The following ANKRD28 variants were observed in gnomAD, a reference collection of about 807,000 sequenced individuals.
ANKRD28 encodes the protein serine/threonine-protein phosphatase 6 regulatory ankyrin repeat subunit A.
Under a neutral mutation model 126.5 loss-of-function variants are expected in ANKRD28, and 44 were observed. The ratio of observed to expected loss-of-function variants is 0.35; its 90% CI spans 0.27 to 0.45. The LOEUF (loss-of-function observed/expected upper bound fraction) is 0.45, where lower values mean the gene tolerates loss of function less well. Ranked by LOEUF, ANKRD28 falls within the 20% of genes least tolerant of loss-of-function variation. The pLI is 1.00. For missense variants in ANKRD28, 1,110 were observed against 1,316.6 expected (o/e 0.84, Z 2.43); for synonymous variants, 442 against 468.5 (o/e 0.94, Z 0.73).
intron 4 of ANKRD28, 111 bp from the exon 5 acceptor site, chr3:15,737,344 T>A: frequency 1.1e-6 from 1 of 925,642 alleles, no homozygotes; most frequent in Non-Finnish European, 1.6e-6. Flanking sequence ...ATGAAGAAAA[T>A]AAAAAAGCTC....
chr3:15,858,022 CTG>C (rs974037876), intron 1 of ANKRD28, among the ~76,000 whole-genome samples: 2 of 152,224 alleles, frequency 1.3e-5, no homozygotes, highest in Non-Finnish European at 2.9e-5. Flanking sequence ...CCTGCTATAA[CTG>C]TGCTTTACCT....
At position 15,679,565 on chromosome 3, in the gene ANKRD28, TA is replaced by T; in HGVS notation, c.2390-3del. On this transcript the variant is annotated splice_region_variant and splice_polypyrimidine_tract_variant and intron_variant, in intron 21 of 27. Coordinates refer to ENST00000683139, the MANE Select transcript of ANKRD28 (RefSeq NM_001349278.2). ...GCAGTTCTACACATGTCTCGTGACC[TA>T]AATAGGTGTAAAGAACCAGGTATTA... 6.2e-7 allele frequency: 1 copy of T among 1,604,524 alleles called. No individual in the cohort carries two copies. Among genetic ancestry groups the T allele is most frequent in the Non-Finnish European group, 8.5e-7 (1 of 1,174,128 alleles).
At chr3:15,773,593 G>C (rs994648976) in intron 2 of ANKRD28, among the ~76,000 whole-genome samples, 1 of 151,932 alleles carries the variant, frequency 6.6e-6, no homozygotes, top group African/African-American at 2.4e-5. Flanking sequence ...CTCCTGCCTG[G>C]GCAACAGAGT....
chr3:15,685,343 C>A lies in ANKRD28; in HGVS notation c.2272G>T (p.Ala758Ser), dbSNP rs762803080. ...CCAAGAACACCAATGTGTCCACAGG[C>A]AGCAGACAGGTGTATAGGCGTCCGG... is the stretch of plus-strand genomic sequence containing the variant. ...RGRTPIHLSA[A>S]CGHIGVLGAL... Residue 758 changes from alanine (A) to serine (S), a missense_variant, in exon 21 of 28, where the codon GCC (alanine) becomes TCC (serine). By Grantham distance (99) the Ala-to-Ser change is moderately conservative (BLOSUM62 1). Coordinates refer to ENST00000683139, the MANE Select transcript of ANKRD28 (RefSeq NM_001349278.2). The A allele has an allele frequency of 6.2e-7, 1 of 1,613,996 alleles. No individual in the cohort carries two copies. The highest frequency in any genetic ancestry group is 8.5e-7 in the Non-Finnish European group (1 of 1,179,874).
At chr3:15,856,163 G>C (rs534878434) in intron 1 of ANKRD28, among the ~76,000 whole-genome samples, 58 of 152,102 alleles carry the variant, frequency 3.8e-4, no homozygotes, top group Admixed American at 9.2e-4. Context: ...GAGAGGTTTT[G>C]TCTAGCAATC....
chr3:15,741,228 G>A (rs550245705), intron 4 of ANKRD28, among the ~76,000 whole-genome samples: 4 of 151,864 alleles, frequency 2.6e-5, no homozygotes, highest in Non-Finnish European at 5.9e-5. Flanking sequence ...CAAAAAACGT[G>A]TCAGATCACA....
chr3:15,674,113 A>C (rs1366159433), intron 27 of ANKRD28, among the ~76,000 whole-genome samples: 1 of 139,740 alleles, frequency 7.2e-6, no homozygotes, highest in African/African-American at 2.6e-5. Flanking sequence ...TCAAGGTTAC[A>C]ATCAGCTATG....
intron 3 of ANKRD28, among the ~76,000 whole-genome samples, chr3:15,763,611 C>G (rs1433612874): frequency 6.6e-6 from 1 of 152,048 alleles, no homozygotes; most frequent in Non-Finnish European, 1.5e-5. Flanking sequence ...GTTGATGATG[C>G]GACATCTGAG....
At chr3:15,729,284 T>A (rs944131073) in intron 6 of ANKRD28, among the ~76,000 whole-genome samples, 1 of 152,204 alleles carries the variant, frequency 6.6e-6, no homozygotes, top group African/African-American at 2.4e-5. Context: ...CACCTCTGTG[T>A]CTTTGTTCAT....
Position 15,796,427 on chromosome 3 carries a change from GA to G in ANKRD28, c.94del (p.Ser32LeufsTer26). ...TACCAATACATTTCCAGAAGGTGGA[GA>G]ATGTAGGGATTTATTTTCCTGTGGC... ...KLPQENKSLHSPPSGNVLPSL... is the reference protein window; with the variant it reads ...KLPQENKSLHXPPSGNVLPSL... On this transcript the variant is annotated frameshift_variant, in exon 1 of 28. Coordinates refer to ENST00000683139, the MANE Select transcript of ANKRD28 (RefSeq NM_001349278.2). LOFTEE classifies it high-confidence loss of function. 1 of 1,287,696 alleles carries G rather than the reference GA, an allele frequency of 7.8e-7. No homozygotes were observed. Among genetic ancestry groups the G allele is most frequent in the Non-Finnish European group, 1.0e-6 (1 of 987,400 alleles). The allele number at this position is 1,287,696 out of a possible 1,614,324, so 79.8% of individuals were successfully genotyped here.
At position 15,714,619 on chromosome 3, in the gene ANKRD28, A is replaced by T; in HGVS notation, c.1034T>A (p.Leu345His). The stretch of plus-strand genomic sequence containing the variant: ...TTGTGATCGGGAGAATCTACCGTGG[A>T]GAGCAGTCATGTGTAGTGGGGTTTT... ...DGKTPLHMTA[L>H]HGRFSRSQTI... Residue 345 changes from leucine to histidine, a missense_variant, in exon 9 of 28, where the codon CTC (leucine) becomes CAC (histidine). Leu to His is a moderately conservative substitution (Grantham distance 99). Transcript: ENST00000683139. 6.2e-7 allele frequency: 1 copy of T among 1,600,654 alleles called. No homozygotes were observed. Among genetic ancestry groups the T allele is most frequent in the Non-Finnish European group, 8.5e-7 (1 of 1,175,614 alleles).
rs567392347 is a variant in ANKRD28, at chr3:15,839,360, T to C, written c.27+20017A>G. Among the ~76,000 whole-genome samples, 4 of 152,216 alleles carry C rather than the reference T, an allele frequency of 2.6e-5. No individual in the cohort carries two copies. In the South Asian group the frequency reaches 8.3e-4, roughly 32 times the overall value. ...GATCAGCTGTTCAGGACCTTAGCTG[T>C]AGAAGACATAACAAAAAACAACTGA... On this transcript the variant is annotated intron_variant, in intron 1 of 27. Transcript: ENST00000399451. This position sits in a 1 kb window ranked among gnomAD's most constrained non-coding sequence, Gnocchi z 4.3.
chr3:15,805,443 TA>T (rs1182490971), intron 1 of ANKRD28, among the ~76,000 whole-genome samples: 1 of 152,196 alleles, frequency 6.6e-6, no homozygotes, highest in African/African-American at 2.4e-5. Flanking sequence ...ATCTGATTAG[TA>T]AAATTTTTAG....
intron 6 of ANKRD28, among the ~76,000 whole-genome samples, chr3:15,731,388 G>C (rs2074585800): frequency 6.6e-6 from 1 of 152,192 alleles, no homozygotes; most frequent in Non-Finnish European, 1.5e-5. Flanking sequence ...CTTAACGTAA[G>C]ATGTACAGTT....
chr3:15,763,696 C>T (rs1322628213), intron 3 of ANKRD28, among the ~76,000 whole-genome samples: 1 of 152,004 alleles, frequency 6.6e-6, no homozygotes, highest in Non-Finnish European at 1.5e-5. Context: ...TGCGAAGAAC[C>T]AGAGGTAGAA....
chr3:15,781,121 T>C (rs1487957984), intron 2 of ANKRD28, among the ~76,000 whole-genome samples: 1 of 151,948 alleles, frequency 6.6e-6, no homozygotes, highest in African/African-American at 2.4e-5. Flanking sequence ...CATGTATATA[T>C]TAGCAAACCG....
At chr3:15,671,303 C>T (rs906195611) in intron 27 of ANKRD28, among the ~76,000 whole-genome samples, 1 of 152,118 alleles carries the variant, frequency 6.6e-6, no homozygotes, top group African/African-American at 2.4e-5. Context: ...TCAGTTGGTA[C>T]AAGACTCAGT....
At chr3:15,808,242 T>C (rs1480770704) in intron 1 of ANKRD28, among the ~76,000 whole-genome samples, 3 of 152,230 alleles carry the variant, frequency 2.0e-5, no homozygotes, top group African/African-American at 7.2e-5. Flanking sequence ...TCAACGGATT[T>C]GAAGTCCTAT....
chr3:15,684,884 G>A (rs1384671342), intron 21 of ANKRD28: 1 of 229,420 alleles, frequency 4.4e-6, no homozygotes, highest in South Asian at 6.0e-5. Flanking sequence ...AACACTTTGG[G>A]AGGCTGAGGT....
Sources: gnomAD v4.1 joint callset for allele counts (sites outside exome capture counted in the v4.1 genomes callset) on GRCh38, gnomAD v4.1.1 for gene constraint, Gnocchi (gnomAD v3.1) non-coding constraint, MANE v1.5 for transcripts, NCBI Gene and HGNC (gene_info 2026-07-23, HGNC 2026-07-21) for gene names.